The following TRPC4 variants were observed in gnomAD, a reference collection of about 807,000 sequenced individuals.
TRPC4 encodes short transient receptor potential channel 4.
A neutral mutation model predicts 99.4 loss-of-function variants in TRPC4; 49 were observed. That is an observed-to-expected ratio of 0.49 (90% confidence interval 0.39 to 0.63). The LOEUF is 0.63. Among genes scored for constraint, TRPC4 ranks in the 20% least tolerant of loss-of-function variants. TRPC4 has a pLI of 0.00. For missense variants in TRPC4, 898 were observed against 1,152.9 expected (o/e 0.78, Z 3.20); for synonymous variants, 454 against 425.9 (o/e 1.07, Z -0.81).
chr13:37,773,820 C>T (rs1956626519), intron 2 of TRPC4, among the ~76,000 whole-genome samples: 1 of 151,676 alleles, frequency 6.6e-6, no homozygotes, highest in South Asian at 2.1e-4. Context: ...AATATATTTA[C>T]AATTCACTTT....
At chr13:37,758,975 T>C (rs1013154124) in intron 2 of TRPC4, among the ~76,000 whole-genome samples, 9 of 151,618 alleles carry the variant, frequency 5.9e-5, no homozygotes, top group Admixed American at 4.6e-4. Context: ...GTTTATATTG[T>C]TTTATTTATA....
chr13:37,748,892 C>A (rs1955857713), intron 2 of TRPC4, among the ~76,000 whole-genome samples: 1 of 152,014 alleles, frequency 6.6e-6, no homozygotes, highest in South Asian at 2.1e-4. Context: ...ACTCAATAAA[C>A]CATTGCACTG....
At chr13:37,772,273 G>A (rs913535944) in intron 2 of TRPC4, among the ~76,000 whole-genome samples, 2 of 151,748 alleles carry the variant, frequency 1.3e-5, no homozygotes, top group Non-Finnish European at 2.9e-5. Flanking sequence ...GGGAAAATAT[G>A]TCCAAACAAA....
At chr13:37,828,611 A>C (rs1039792234) in intron 1 of TRPC4, among the ~76,000 whole-genome samples, 1 of 152,244 alleles carries the variant, frequency 6.6e-6, no homozygotes, top group African/African-American at 2.4e-5. Context: ...GATTGGATAA[A>C]GAAAATGTGG....
chr13:37,796,537 T>C (rs1593763744), intron 1 of TRPC4, among the ~76,000 whole-genome samples: 1 of 152,254 alleles, frequency 6.6e-6, no homozygotes, highest in East Asian at 1.9e-4. Context: ...GGATCACCCA[T>C]GCAGTGGGTC....
At chr13:37,639,794 C>T (rs1438051660) in intron 8 of TRPC4, among the ~76,000 whole-genome samples, 2 of 149,102 alleles carry the variant, frequency 1.3e-5, no homozygotes, top group African/African-American at 5.1e-5. Flanking sequence ...GAGGAGATTC[C>T]TGTTTAAATA....
chr13:37,715,701 C>T (rs766098207), intron 3 of TRPC4, among the ~76,000 whole-genome samples: 4 of 152,056 alleles, frequency 2.6e-5, no homozygotes, highest in South Asian at 2.1e-4. Flanking sequence ...TTCTGGACAC[C>T]GCATCCGACC....
intron 3 of TRPC4, among the ~76,000 whole-genome samples, chr13:37,709,260 G>T (rs1251736789): frequency 6.6e-6 from 1 of 151,862 alleles, no homozygotes; most frequent in Non-Finnish European, 1.5e-5. Context: ...ATAACTTCTG[G>T]TACTAAATGT....
intron 3 of TRPC4, among the ~76,000 whole-genome samples, chr13:37,716,945 T>C (rs1954691826): frequency 6.7e-6 from 1 of 149,636 alleles, no homozygotes; most frequent in African/African-American, 2.5e-5. Context: ...GTGGGGACGG[T>C]GGTAAAATAT....
chr13:37,814,197 T>G (rs1197506321), intron 1 of TRPC4, among the ~76,000 whole-genome samples: 1 of 151,808 alleles, frequency 6.6e-6, no homozygotes, highest in Non-Finnish European at 1.5e-5. Context: ...AAAGGACATC[T>G]AGGAAAACAC....
intron 3 of TRPC4, among the ~76,000 whole-genome samples, chr13:37,703,671 T>C (rs115302715): frequency 1.3e-5 from 2 of 149,102 alleles, no homozygotes; most frequent in Non-Finnish European, 3.0e-5. Flanking sequence ...TTAAAAAAAA[T>C]ATCTAATTAA....
chr13:37,679,743 A>T (rs1001614348), intron 4 of TRPC4, among the ~76,000 whole-genome samples: 2 of 152,216 alleles, frequency 1.3e-5, no homozygotes, highest in Non-Finnish European at 2.9e-5. Flanking sequence ...ATCTCTCATG[A>T]GAGGTCAGAT....
intron 6 of TRPC4, among the ~76,000 whole-genome samples, chr13:37,657,619 T>C (rs1952280119): frequency 6.6e-6 from 1 of 152,208 alleles, no homozygotes; most frequent in Admixed American, 6.5e-5. Context: ...TTATAAGTTA[T>C]ACAATATATA....
chr13:37,740,052 C>T (rs1405961254), intron 3 of TRPC4, among the ~76,000 whole-genome samples: 1 of 152,112 alleles, frequency 6.6e-6, no homozygotes, highest in African/African-American at 2.4e-5. Flanking sequence ...TGACCAGACA[C>T]CAAAATCCAC....
At chr13:37,811,257 G>A (rs1957677516) in intron 1 of TRPC4, among the ~76,000 whole-genome samples, 1 of 151,986 alleles carries the variant, frequency 6.6e-6, no homozygotes, top group South Asian at 2.1e-4. Flanking sequence ...TATGTTTGTA[G>A]AACTATGATT....
At chr13:37,681,744 C>T (rs187842332) in intron 4 of TRPC4, among the ~76,000 whole-genome samples, 4 of 152,294 alleles carry the variant, frequency 2.6e-5, no homozygotes, top group Admixed American at 2.6e-4. Flanking sequence ...AATGTTTATC[C>T]TGTTCCCGCA....
intron 2 of TRPC4, among the ~76,000 whole-genome samples, chr13:37,765,692 G>T (rs1417754489): frequency 2.6e-5 from 4 of 151,230 alleles, no homozygotes; most frequent in African/African-American, 9.7e-5. Context: ...TTGCTAAATT[G>T]CTTTCCAAAA....
intron 3 of TRPC4, among the ~76,000 whole-genome samples, chr13:37,744,980 T>C (rs1037014675): frequency 3.9e-5 from 6 of 152,172 alleles, no homozygotes; most frequent in Non-Finnish European, 5.9e-5. Flanking sequence ...TTACTTGGTT[T>C]CTTATTCCTG....
At chr13:37,731,893 A>G (rs142930988) in intron 3 of TRPC4, among the ~76,000 whole-genome samples, 5 of 152,142 alleles carry the variant, frequency 3.3e-5, no homozygotes, top group Admixed American at 2.0e-4. Context: ...CCTTCATTGT[A>G]TGCATAGAAG....
Sources: allele counts gnomAD v4.1 joint callset (sites outside exome capture counted in the v4.1 genomes callset), GRCh38; gene constraint gnomAD v4.1.1; transcripts MANE v1.5; gene names NCBI Gene and HGNC (gene_info 2026-07-23, HGNC 2026-07-21).